The following SLC26A7 variants were observed in gnomAD, a reference collection of about 807,000 sequenced individuals.
SLC26A7 encodes the protein solute carrier family 26 member 7, also known as anion exchange transporter.
SLC26A7 carries 59 observed loss-of-function variants against 82.5 expected under a neutral mutation model. The ratio of observed to expected loss-of-function variants is 0.72; its 90% CI spans 0.58 to 0.89. The LOEUF (loss-of-function observed/expected upper bound fraction) is 0.89. Ranked by LOEUF, SLC26A7 falls within the 40% of genes least tolerant of loss-of-function variation. The pLI is 0.00. For synonymous variants in SLC26A7, 271 were observed against 274.3 expected (o/e 0.99, Z 0.12); for missense variants, 820 against 793.0 (o/e 1.03, Z -0.41).
chr8:91,247,916 T>A (rs1810568937), upstream of SLC26A7, among the ~76,000 whole-genome samples: 1 of 152,178 alleles, frequency 6.6e-6, no homozygotes, highest in African/African-American at 2.4e-5. Context: ...ATTATAAAGG[T>A]AATACATAAT....
At chr8:91,255,986 T>G (rs1810790875) in intron 2 of SLC26A7, among the ~76,000 whole-genome samples, 1 of 152,108 alleles carries the variant, frequency 6.6e-6, no homozygotes, top group Admixed American at 6.6e-5. Context: ...CTCAGATTAG[T>G]TTGGGTGAAT....
intron 2 of SLC26A7, among the ~76,000 whole-genome samples, chr8:91,269,531 T>G (rs1811209179): frequency 6.6e-6 from 1 of 152,152 alleles, no homozygotes; most frequent in African/African-American, 2.4e-5. Context: ...GATATATTTC[T>G]TTTGCTACTT....
chr8:91,326,699 T>C (rs1040622691), intron 5 of SLC26A7, among the ~76,000 whole-genome samples: 5 of 152,234 alleles, frequency 3.3e-5, no homozygotes, highest in Admixed American at 6.5e-5. Flanking sequence ...GGTGCTGGCG[T>C]CTTAATGGCT....
At chr8:91,365,729 A>G (rs1269472240) in intron 13 of SLC26A7, among the ~76,000 whole-genome samples, 1 of 152,198 alleles carries the variant, frequency 6.6e-6, no homozygotes, top group Non-Finnish European at 1.5e-5. Context: ...CCAAATTAGC[A>G]TACTTAATAT....
intron 5 of SLC26A7, among the ~76,000 whole-genome samples, chr8:91,331,766 C>T (rs980888848): frequency 1.3e-5 from 2 of 152,084 alleles, no homozygotes; most frequent in Non-Finnish European, 2.9e-5. Context: ...AATTTATACT[C>T]ACAAGGGCAT....
chr8:91,371,699 G>A (rs1175168342), intron 15 of SLC26A7, among the ~76,000 whole-genome samples: 2 of 151,842 alleles, frequency 1.3e-5, no homozygotes, highest in African/African-American at 2.4e-5. Context: ...TAAGACTGCA[G>A]GATTTTCTTT....
chr8:91,300,458 C>G (rs1198486701), intron 4 of SLC26A7, among the ~76,000 whole-genome samples: 1 of 150,352 alleles, frequency 6.7e-6, no homozygotes, highest in Non-Finnish European at 1.5e-5. Context: ...AGTGCAGGGG[C>G]GCGATCTCGG....
chr8:91,263,351 C>A (rs1406482042), intron 2 of SLC26A7, among the ~76,000 whole-genome samples: 1 of 151,952 alleles, frequency 6.6e-6, no homozygotes, highest in Non-Finnish European at 1.5e-5. Context: ...GACTTTATAG[C>A]CTTGGTTCTT....
At chr8:91,296,679 T>C (rs1812026296) in intron 4 of SLC26A7, among the ~76,000 whole-genome samples, 1 of 152,230 alleles carries the variant, frequency 6.6e-6, no homozygotes, top group Non-Finnish European at 1.5e-5. Context: ...CATGTCTTCA[T>C]AGTCCTTGAA....
intron 15 of SLC26A7, among the ~76,000 whole-genome samples, chr8:91,384,608 A>G (rs2130899030): frequency 6.6e-6 from 1 of 152,098 alleles, no homozygotes; most frequent in Non-Finnish European, 1.5e-5. Flanking sequence ...CCCTCATCAC[A>G]CTTTAATTTA....
At chr8:91,316,252 G>A (rs1186542799) in intron 4 of SLC26A7, among the ~76,000 whole-genome samples, 1 of 151,798 alleles carries the variant, frequency 6.6e-6, no homozygotes, top group African/African-American at 2.4e-5. Flanking sequence ...ATTTCTTTAA[G>A]AGTTAATCTC....
At chr8:91,378,764 T>C (rs553111063) in intron 15 of SLC26A7, among the ~76,000 whole-genome samples, 1 of 151,816 alleles carries the variant, frequency 6.6e-6, no homozygotes. Context: ...TACAGGCAGG[T>C]TTCTGTCCAA....
intron 11 of SLC26A7, among the ~76,000 whole-genome samples, chr8:91,356,217 A>G (rs1383262625): frequency 6.6e-6 from 1 of 152,116 alleles, no homozygotes; most frequent in African/African-American, 2.4e-5. Flanking sequence ...ATAGCAGCAT[A>G]ATTTATAATC....
chr8:91,283,134 T>C (rs1245675711), intron 2 of SLC26A7, among the ~76,000 whole-genome samples: 3 of 152,144 alleles, frequency 2.0e-5, no homozygotes, highest in Non-Finnish European at 4.4e-5. Context: ...AGAAGAAGGG[T>C]ATCTGACTCA....
chr8:91,364,633 GTAT>G (rs1814140855), intron 13 of SLC26A7, among the ~76,000 whole-genome samples: 1 of 152,172 alleles, frequency 6.6e-6, no homozygotes. Context: ...AAGTACACAT[GTAT>G]TAGCCCTGAT....
At chr8:91,394,514 G>T in intron 18 of SLC26A7, 4 of 1,318,114 alleles carry the variant, frequency 3.0e-6, no homozygotes, top group Non-Finnish European at 2.9e-6. Context: ...TTTTACAAAT[G>T]CTGGGCTTAT....
chr8:91,375,598 G>C (rs542298432), intron 15 of SLC26A7, among the ~76,000 whole-genome samples: 1 of 150,252 alleles, frequency 6.7e-6, no homozygotes, highest in Non-Finnish European at 1.5e-5. Context: ...GAAGTCTACT[G>C]TTAGTGTAAT....
At chr8:91,382,744 A>ATT (rs1232159752) in intron 15 of SLC26A7, among the ~76,000 whole-genome samples, 2 of 152,214 alleles carry the variant, frequency 1.3e-5, no homozygotes, top group African/African-American at 2.4e-5. Context: ...TTTTAAGGTA[A>ATT]ATAATGCATT....
chr8:91,352,065 G>A (rs1333834852), intron 10 of SLC26A7, among the ~76,000 whole-genome samples, 178 bp downstream of exon 10: 2 of 152,006 alleles, frequency 1.3e-5, no homozygotes, highest in Non-Finnish European at 2.9e-5. Flanking sequence ...GGCGTGGGAG[G>A]GGGTACCGTG....
Sources: gnomAD v4.1 joint callset for allele counts (sites outside exome capture counted in the v4.1 genomes callset) on GRCh38, gnomAD v4.1.1 for gene constraint, MANE v1.5 for transcripts, NCBI Gene and HGNC (gene_info 2026-07-23, HGNC 2026-07-21) for gene names.